Variants in TTC6 observed in about 807,000 individuals in gnomAD.
TTC6 encodes the protein tetratricopeptide repeat protein 6.
TTC6 carries 172 observed loss-of-function variants against 210.4 expected under a neutral mutation model. That is an observed-to-expected ratio of 0.82 (90% CI 0.72 to 0.93). TTC6 has a LOEUF of 0.93. Among genes scored for constraint, TTC6 ranks in the 40% least tolerant of loss-of-function variants. The pLI is 0.00. For missense variants in TTC6, 2,414 were observed against 2,318.1 expected (o/e 1.04, Z -0.85); for synonymous variants, 804 against 819.6 (o/e 0.98, Z 0.32).
chr14:37,811,775 A>G (rs186363171), intron 24 of TTC6, among the ~76,000 whole-genome samples: 2 of 152,316 alleles, frequency 1.3e-5, no homozygotes, highest in East Asian at 3.9e-4. Flanking sequence ...CTTTCCTACA[A>G]GTGCTTATTT....
chr14:37,782,380 T>C (rs950918269), intron 14 of TTC6, among the ~76,000 whole-genome samples: 8 of 152,306 alleles, frequency 5.3e-5, no homozygotes, highest in African/African-American at 1.7e-4. Context: ...TTTTATTCTC[T>C]TTGAAGCAAT....
chr14:37,678,895 AC>A (rs2095776449), intron 1 of TTC6, among the ~76,000 whole-genome samples: 1 of 152,134 alleles, frequency 6.6e-6, no homozygotes, highest in Admixed American at 6.6e-5. Context: ...TGTTGACATT[AC>A]TAAAAGGCTA....
chr14:37,626,111 A>T (rs1323037130), intron 1 of TTC6, among the ~76,000 whole-genome samples: 1 of 152,196 alleles, frequency 6.6e-6, no homozygotes, highest in Admixed American at 6.6e-5. Flanking sequence ...GCGGGGGCAA[A>T]ATTATGCCAC....
At chr14:37,622,610 A>G (rs915878247) in exon 1 of TTC6, 7 of 1,534,718 alleles carry the variant, frequency 4.6e-6, no homozygotes, top group Non-Finnish European at 6.1e-6. Flanking sequence ...TCCACTTGGG[A>G]AGGGAGCGCG....
intron 1 of TTC6, among the ~76,000 whole-genome samples, chr14:37,655,789 C>T (rs1052600133): frequency 2.0e-5 from 3 of 151,822 alleles, no homozygotes; most frequent in African/African-American, 7.3e-5. Context: ...TAATAGGGGT[C>T]TTTGTTACAA....
At chr14:37,660,939 A>G (rs1002620520) in intron 1 of TTC6, among the ~76,000 whole-genome samples, 2 of 152,166 alleles carry the variant, frequency 1.3e-5, no homozygotes, top group Non-Finnish European at 2.9e-5. Flanking sequence ...ATGATCAGTG[A>G]TGTTGAGCCT....
At chr14:37,810,561 G>A (rs2096127615) in intron 24 of TTC6, among the ~76,000 whole-genome samples, 1 of 152,164 alleles carries the variant, frequency 6.6e-6, no homozygotes. Context: ...TTAGTGACCT[G>A]TACTGGTGTC....
In TTC6 at chr14:37,804,676, A is replaced by G. The variant is rs1415072597; in HGVS notation, c.4030-4A>G. ...GCCCCCTCCCTGCTTTTTTATCATT[A>G]TAGGAAGCTGTGGAAGTGCTTAAGA... On this transcript the variant is annotated splice_region_variant and splice_polypyrimidine_tract_variant and intron_variant, in intron 20 of 30. Coordinates refer to ENST00000553443, the Ensembl canonical transcript of TTC6. The G allele has an allele frequency of 6.2e-7, 1 of 1,610,612 alleles. No homozygotes were observed. The highest frequency in any genetic ancestry group is 8.5e-7 in the Non-Finnish European group (1 of 1,178,864).
rs1385695185 is a variant in TTC6, at chr14:37,656,122, A to C, written c.940-24029A>C. Among the ~76,000 whole-genome samples, 3 of 152,310 alleles carry C rather than the reference A, an allele frequency of 2.0e-5. No individual in the cohort carries two copies. In the East Asian group the frequency reaches 5.8e-4, roughly 29 times the overall value. On this transcript the variant is annotated intron_variant, in intron 1 of 30. Transcript: ENST00000553443. ...ACTTAGAGCAATGTCTTGCAAATTA[A>C]ATGTGTGAACACTTTGATTGGAGTG... is the stretch of plus-strand genomic sequence containing the variant.
chr14:37,622,421 C>T (rs1473959275), exon 1 of TTC6: 1 of 1,534,874 alleles, frequency 6.5e-7, no homozygotes, highest in Non-Finnish European at 8.7e-7. Flanking sequence ...GCCCCCGGGA[C>T]TTTTACTTGC....
intron 14 of TTC6, among the ~76,000 whole-genome samples, chr14:37,767,673 T>G (rs2096003597): frequency 6.6e-6 from 1 of 152,156 alleles, no homozygotes; most frequent in Non-Finnish European, 1.5e-5. Context: ...TAAATTTGTT[T>G]GAGTTCATTG....
intron 25 of TTC6, among the ~76,000 whole-genome samples, chr14:37,813,658 A>G (rs1424331462): frequency 6.6e-6 from 1 of 152,204 alleles, no homozygotes; most frequent in African/African-American, 2.4e-5. Flanking sequence ...CTGGGGTAAG[A>G]TCTGAACTCA....
At chr14:37,622,009 G>A (rs2095651855), upstream of TTC6, 8 of 1,251,456 alleles carry the variant, frequency 6.4e-6, no homozygotes, top group South Asian at 9.2e-5. Context: ...ATGTATATAC[G>A]CACACAACAT....
At chr14:37,770,216 C>T (rs1456616616) in intron 14 of TTC6, among the ~76,000 whole-genome samples, 3 of 152,138 alleles carry the variant, frequency 2.0e-5, no homozygotes, top group African/African-American at 7.2e-5. Flanking sequence ...GAGAGCTTTA[C>T]TTCCAACTAT....
At chr14:37,794,920 A>C (rs1165009697) in intron 17 of TTC6, among the ~76,000 whole-genome samples, 1 of 152,096 alleles carries the variant, frequency 6.6e-6, no homozygotes, top group Non-Finnish European at 1.5e-5. Flanking sequence ...TTTGCTGAAA[A>C]AGTTGTTAGG....
At chr14:37,669,489 G>A (rs1244265449) in intron 1 of TTC6, among the ~76,000 whole-genome samples, 1 of 152,180 alleles carries the variant, frequency 6.6e-6, no homozygotes, top group African/African-American at 2.4e-5. Context: ...AGGAAGTGCT[G>A]CCTTCTATTC....
chr14:37,601,830 A>C (rs547215490), intron 1 of TTC6, among the ~76,000 whole-genome samples: 1 of 152,234 alleles, frequency 6.6e-6, no homozygotes, highest in South Asian at 2.1e-4. Flanking sequence ...CCCAAAATCA[A>C]ACATTTCACT....
At chr14:37,764,502 C>G (rs2139126476) in intron 14 of TTC6, among the ~76,000 whole-genome samples, 1 of 152,180 alleles carries the variant, frequency 6.6e-6, no homozygotes, top group East Asian at 1.9e-4. Context: ...TTGATTGACT[C>G]TTTCATCAAT....
intron 1 of TTC6, among the ~76,000 whole-genome samples, chr14:37,636,873 AAAGT>A (rs1390649562): frequency 1.3e-5 from 2 of 152,190 alleles, no homozygotes; most frequent in Non-Finnish European, 2.9e-5. Context: ...AAAGAAGAAA[AAAGT>A]GGGAGGTATC....
Sources: allele counts gnomAD v4.1 joint callset (sites outside exome capture counted in the v4.1 genomes callset), GRCh38; gene constraint gnomAD v4.1.1; transcripts MANE v1.5; gene names NCBI Gene and HGNC (gene_info 2026-07-23, HGNC 2026-07-21).